FGGY: variants seen among roughly 807,000 people sequenced by gnomAD.
The protein encoded by FGGY is FGGY carbohydrate kinase domain-containing protein.
In FGGY, 72 loss-of-function variants were observed where a neutral mutation model predicts 71.3. The observed-to-expected ratio is 1.01, with a 90% CI of 0.84 to 1.23. FGGY has a LOEUF of 1.23. Ranked by LOEUF, FGGY falls within the 50% of genes most tolerant of loss-of-function variation. FGGY has a pLI of 0.00. For missense variants in FGGY, 668 were observed against 682.3 expected (o/e 0.98, Z 0.23); for synonymous variants, 251 against 250.3 (o/e 1.00, Z -0.02).
In FGGY at chr1:59,613,798, A is replaced by G. The variant is rs1182768414; in HGVS notation, c.1011+5888A>G. ...AGAGAAGAATCAAATAGACACAATA[A>G]AAAATGATAAAGGGGATATCACCAC... On this transcript the variant is annotated intron_variant, in intron 9 of 15. Transcript: ENST00000303721. Among the ~76,000 whole-genome samples the G allele has an allele frequency of 1.3e-5, 2 of 152,206 alleles. 1 individual carries two copies.
rs560829422 is a variant in FGGY at position 59,604,109 on chromosome 1, C to T, written c.904-3694C>T. On this transcript the variant is annotated intron_variant, in intron 8 of 15. Transcript: ENST00000303721. ...CTATTGTTGTTGTTGCCAACAGTGC[C>T]GTTATTACTGGGAAGTCAGTGTCCT... Among the ~76,000 whole-genome samples, 83 of 152,216 alleles carry T rather than the reference C, an allele frequency of 5.5e-4. 1 individual carries two copies. Among genetic ancestry groups the T allele is most frequent in the African/African-American group, 1.8e-3 (75 of 41,538 alleles).
chr1:59,502,779 A>G (rs2094266410), intron 6 of FGGY, among the ~76,000 whole-genome samples: 1 of 152,202 alleles, frequency 6.6e-6, no homozygotes, highest in African/African-American at 2.4e-5. Flanking sequence ...CTCTGGGTTC[A>G]GTTTTCTCTA....
chr1:59,741,721 G>T (rs1271691057), intron 14 of FGGY, among the ~76,000 whole-genome samples: 4 of 152,054 alleles, frequency 2.6e-5, no homozygotes, highest in African/African-American at 9.7e-5. Flanking sequence ...TGGATCACAA[G>T]GTCAGGAGAT....
At position 59,649,069 on chromosome 1, in the gene FGGY, G is replaced by A. The variant is rs141813940; in HGVS notation, c.1221+10694G>A. On this transcript the variant is annotated intron_variant, in intron 11 of 15. Transcript: ENST00000303721. ...AAGATCAGATAGTTTTAGGTATGCG[G>A]CATTATTTCTGAGGGCTCTGTTCTG... is the stretch of plus-strand genomic sequence containing the variant. Among the ~76,000 whole-genome samples, 1,417 of 151,906 alleles carry A rather than the reference G, an allele frequency of 9.3e-3. 25 individuals are homozygous for A. Among genetic ancestry groups the A allele is most frequent in the African/African-American group, 0.033 (1,364 of 41,250 alleles).
chr1:59,327,798 G>A (rs924923457), intron 2 of FGGY, among the ~76,000 whole-genome samples: 1 of 152,180 alleles, frequency 6.6e-6, no homozygotes, highest in Non-Finnish European at 1.5e-5. Context: ...GTGTTAGCAG[G>A]TATGAGAACA....
At chr1:59,752,069 T>C (rs2098249995) in intron 14 of FGGY, among the ~76,000 whole-genome samples, 1 of 152,230 alleles carries the variant, frequency 6.6e-6, no homozygotes. Context: ...GACTGACTGA[T>C]GTGTGGCCAA....
Position 59,554,209 on chromosome 1 carries a change from G to A in FGGY, c.885G>A (p.Thr295=), listed in dbSNP as rs116481036. 1.4e-3 allele frequency: 2,270 copies of A among 1,613,322 alleles called. 4 individuals carry two copies. The highest frequency in any genetic ancestry group is 4.1e-3 in the Middle Eastern group (24 of 5,920). ...VTSRLAVICG[T]SSCHMGISKD... Reference sequence around the variant, plus strand: ...CACGGCTGGCTGTCATCTGTGGAACGTCTTCTTGTCACATGGGGGTGAGTC... The same window carrying A: ...CACGGCTGGCTGTCATCTGTGGAACATCTTCTTGTCACATGGGGGTGAGTC... The change falls in exon 8 of 16, where the codon ACG becomes ACA. Residue 295 remains threonine (T), a synonymous_variant. Transcript: ENST00000303721.
intron 6 of FGGY, among the ~76,000 whole-genome samples, chr1:59,470,228 C>T (rs1405543876): frequency 6.6e-6 from 1 of 152,170 alleles, no homozygotes; most frequent in Non-Finnish European, 1.5e-5. Context: ...AGTGTATCAA[C>T]AGCGTTTAAG....
intron 14 of FGGY, among the ~76,000 whole-genome samples, chr1:59,713,993 T>C (rs564601738): frequency 2.6e-5 from 4 of 152,302 alleles, no homozygotes; most frequent in African/African-American, 4.8e-5. Context: ...CTTACCATCA[T>C]TAAGAGAGAA....
At chr1:59,418,332 A>C (rs1298826418) in intron 5 of FGGY, among the ~76,000 whole-genome samples, 1 of 152,166 alleles carries the variant, frequency 6.6e-6, no homozygotes, top group Non-Finnish European at 1.5e-5. Context: ...TCTGAGACAG[A>C]TTTCAATCGA....
intron 14 of FGGY, among the ~76,000 whole-genome samples, chr1:59,729,269 G>T (rs181649707): frequency 6.6e-6 from 1 of 151,552 alleles, no homozygotes; most frequent in African/African-American, 2.4e-5. Flanking sequence ...TACATTGTCC[G>T]TTTGTGCATA....
rs138884960 is a variant in FGGY, at chr1:59,663,388, A to G, written c.1296+3095A>G. On this transcript the variant is annotated intron_variant, in intron 12 of 15. Transcript: ENST00000303721. Reference sequence around the variant, plus strand: ...ATATTCCTAAGAATCGTTTTTACTTAATATATATTAGAAAATATCATTAAT... The same window carrying G: ...ATATTCCTAAGAATCGTTTTTACTTGATATATATTAGAAAATATCATTAAT... 2.3e-3 allele frequency among the ~76,000 whole-genome samples: 352 copies of G among 152,322 alleles called. 4 individuals are homozygous for G. Among genetic ancestry groups the G allele is most frequent in the African/African-American group, 7.9e-3 (329 of 41,562 alleles).
rs60183560 is a variant in FGGY at position 59,684,335 on chromosome 1, G to A, written c.1512+10202G>A. On this transcript the variant is annotated intron_variant, in intron 14 of 15. Transcript: ENST00000303721. ...GGCCTCACCTGTGAAAGATTCCATTGCAATTACTCTGCAATGGAATGATGG... is the reference window on the plus strand; with the variant it reads ...GGCCTCACCTGTGAAAGATTCCATTACAATTACTCTGCAATGGAATGATGG... 8.3e-3 allele frequency among the ~76,000 whole-genome samples: 1,258 copies of A among 152,200 alleles called. 20 individuals carry two copies. Among genetic ancestry groups the A allele is most frequent in the African/African-American group, 0.029 (1,188 of 41,506 alleles).
At chr1:59,534,201 C>T (rs150060218) in intron 7 of FGGY, among the ~76,000 whole-genome samples, 10,150 of 151,864 alleles carry the variant, frequency 0.067, 712 homozygotes, top group African/African-American at 0.18. Context: ...CCTCAGGAGC[C>T]GATGCGATCA....
At chr1:59,511,681 G>T (rs997664490) in intron 6 of FGGY, among the ~76,000 whole-genome samples, 7 of 152,180 alleles carry the variant, frequency 4.6e-5, no homozygotes, top group African/African-American at 1.7e-4. Flanking sequence ...TCACTGCATT[G>T]CACAACTCCA....
At chr1:59,741,558 C>G (rs112865542) in intron 14 of FGGY, among the ~76,000 whole-genome samples, 1 of 152,050 alleles carries the variant, frequency 6.6e-6, no homozygotes, top group Admixed American at 6.6e-5. Context: ...TATAGCAGTG[C>G]GAGAACAAGC....
intron 1 of FGGY, among the ~76,000 whole-genome samples, chr1:59,299,269 G>A (rs1280981748): frequency 6.6e-6 from 1 of 152,198 alleles, no homozygotes; most frequent in Non-Finnish European, 1.5e-5. Context: ...GGCTGTGCAG[G>A]AAAGGATAAG....
At chr1:59,725,503 A>G (rs1307484557) in intron 14 of FGGY, among the ~76,000 whole-genome samples, 1 of 152,190 alleles carries the variant, frequency 6.6e-6, no homozygotes, top group East Asian at 1.9e-4. Flanking sequence ...ATGGATACTT[A>G]AAAATAGTTC....
chr1:59,542,741 C>A (rs1170392722), intron 7 of FGGY, among the ~76,000 whole-genome samples: 1 of 151,974 alleles, frequency 6.6e-6, no homozygotes, highest in African/African-American at 2.4e-5. Context: ...CAGGCATGAG[C>A]CAACACACCT....
Sources: allele counts gnomAD v4.1 joint callset (sites outside exome capture counted in the v4.1 genomes callset), GRCh38; gene constraint gnomAD v4.1.1; transcripts MANE v1.5; gene names NCBI Gene and HGNC (gene_info 2026-07-23, HGNC 2026-07-21).